CFAP97: variants seen among roughly 807,000 people sequenced by gnomAD.
The protein encoded by CFAP97 is cilia and flagella associated protein 97.
A neutral mutation model predicts 43.1 loss-of-function variants in CFAP97; 36 were observed. The observed-to-expected ratio is 0.84, with a 90% CI of 0.64 to 1.10. The LOEUF is 1.10. CFAP97 is among the 50% of genes least tolerant of loss of function. CFAP97 has a pLI of 0.00. For missense variants in CFAP97, 657 were observed against 620.3 expected (o/e 1.06, Z -0.63); for synonymous variants, 228 against 225.7 (o/e 1.01, Z -0.09).
chr4:185,178,118 T>C (rs1456496832), intron 2 of CFAP97, among the ~76,000 whole-genome samples: 1 of 151,968 alleles, frequency 6.6e-6, no homozygotes, highest in African/African-American at 2.4e-5. Context: ...ATAAAACATG[T>C]GAAATTATCT....
intron 2 of CFAP97, among the ~76,000 whole-genome samples, chr4:185,186,250 T>C (rs1736002160): frequency 6.6e-6 from 1 of 152,002 alleles, no homozygotes; most frequent in Non-Finnish European, 1.5e-5. Flanking sequence ...CTGACCAACA[T>C]GGTGAAACCC....
At chr4:185,204,233 A>T (rs886931921), upstream of CFAP97, 3 of 152,198 alleles carry the variant, frequency 2.0e-5, no homozygotes, top group African/African-American at 7.2e-5. Flanking sequence ...TAGAGGCGTT[A>T]CTGCTGCTCC....
At chr4:185,183,736 T>C (rs568379301) in intron 2 of CFAP97, among the ~76,000 whole-genome samples, 3 of 152,354 alleles carry the variant, frequency 2.0e-5, no homozygotes, top group African/African-American at 7.2e-5. Flanking sequence ...GGTGGATTGT[T>C]ATATTATGGA....
chr4:185,201,994 G>A (rs572998088), intron 1 of CFAP97, among the ~76,000 whole-genome samples: 8 of 151,932 alleles, frequency 5.3e-5, no homozygotes, highest in African/African-American at 1.7e-4. Context: ...CTGCCTTACA[G>A]CCCCAGCTGC....
In CFAP97 at chr4:185,160,923, A is replaced by T; in HGVS notation, c.*1875T>A. 1 of 147,426 alleles carries T rather than the reference A, an allele frequency of 6.8e-6. No individual in the cohort carries two copies. Among genetic ancestry groups the T allele is most frequent in the Middle Eastern group, 3.6e-3 (1 of 280 alleles). The allele number at this position is 147,426 out of a possible 1,614,324, so 9.1% of individuals were successfully genotyped here. ...TTTTTTATATATATAAAAAGATTAT[A>T]TATATAAAACATATATATATATTTT... On this transcript the variant is annotated 3_prime_UTR_variant, in exon 5 of 5. Transcript: ENST00000458385.
At position 185,190,340 on chromosome 4, in the gene CFAP97, T is replaced by C; in HGVS notation, c.857A>G (p.Asn286Ser). Residue 286 changes from asparagine (N) to serine (S), a missense_variant, in exon 2 of 5, where the codon AAT (asparagine) becomes AGT (serine). Asn to Ser is a conservative substitution (Grantham distance 46). Transcript: ENST00000458385. ...DQKVKIKKQE[N>S]VSQEIYEDVE... Reference sequence around the variant, plus strand: ...ATCTTCATATATTTCTTGGCTCACATTTTCTTGCTTTTTAATTTTCACTTT... The same window carrying C: ...ATCTTCATATATTTCTTGGCTCACACTTTCTTGCTTTTTAATTTTCACTTT... The C allele has an allele frequency of 1.9e-6, 3 of 1,603,340 alleles. No homozygotes were observed. Among genetic ancestry groups the C allele is most frequent in the Non-Finnish European group, 1.7e-6 (2 of 1,173,806 alleles).
intron 1 of CFAP97, among the ~76,000 whole-genome samples, chr4:185,198,789 C>CAA (rs58603330): frequency 1.6e-5 from 2 of 124,318 alleles, no homozygotes; most frequent in Non-Finnish European, 3.4e-5. Context: ...AACTCCATCT[C>CAA]AAAAAAAAGA....
intron 1 of CFAP97, among the ~76,000 whole-genome samples, chr4:185,196,212 G>A (rs1204195457): frequency 1.3e-5 from 2 of 152,136 alleles, no homozygotes; most frequent in Non-Finnish European, 2.9e-5. Context: ...AGTGGCTCAC[G>A]CCTGTAATCC....
chr4:185,194,996 A>C (rs1736474362), intron 1 of CFAP97, among the ~76,000 whole-genome samples: 1 of 152,176 alleles, frequency 6.6e-6, no homozygotes, highest in Non-Finnish European at 1.5e-5. Context: ...GCTACTTCCC[A>C]GTTGTGCGAT....
intron 1 of CFAP97, among the ~76,000 whole-genome samples, chr4:185,198,581 G>C (rs1054594314): frequency 6.6e-6 from 1 of 152,004 alleles, no homozygotes; most frequent in African/African-American, 2.4e-5. Flanking sequence ...CCTCAGGTCA[G>C]GAGTTCAAGA....
chr4:185,169,991 T>C, intron 3 of CFAP97: 1 of 1,087,402 alleles, frequency 9.2e-7, no homozygotes, highest in Non-Finnish European at 1.1e-6. Flanking sequence ...AGACTTGCTA[T>C]AAATCATTTT....
At chr4:185,194,543 A>G (rs1359468657) in intron 1 of CFAP97, among the ~76,000 whole-genome samples, 1 of 152,150 alleles carries the variant, frequency 6.6e-6, no homozygotes, top group Non-Finnish European at 1.5e-5. Flanking sequence ...TAAATTTTTT[A>G]AAGAAACAGG....
rs376942788 is a variant in CFAP97, at chr4:185,192,051, C to G, written c.-16-839G>C. Reference sequence around the variant, plus strand: ...GTGGAAGTCATGCAGTGAGGATTGACTGACATTTCAGGACTTGCTGTCTTT... The same window carrying G: ...GTGGAAGTCATGCAGTGAGGATTGAGTGACATTTCAGGACTTGCTGTCTTT... On this transcript the variant is annotated intron_variant, in intron 1 of 4. Coordinates refer to ENST00000458385, the MANE Select transcript of CFAP97 (RefSeq NM_020827.3). Among the ~76,000 whole-genome samples, 39 of 152,312 alleles carry G rather than the reference C, an allele frequency of 2.6e-4. No individual in the cohort carries two copies. In the East Asian group the frequency reaches 5.6e-3, roughly 22 times the overall value.
chr4:185,200,208 T>C (rs1207272163), intron 1 of CFAP97, among the ~76,000 whole-genome samples: 1 of 152,174 alleles, frequency 6.6e-6, no homozygotes. Context: ...GCAGCTGTGG[T>C]AGAAATGGCA....
intron 3 of CFAP97, among the ~76,000 whole-genome samples, chr4:185,175,549 T>C (rs564256600): frequency 3.9e-5 from 6 of 152,206 alleles, no homozygotes; most frequent in Non-Finnish European, 8.8e-5. Flanking sequence ...GTGCTAGAAT[T>C]ATATGCGTGA....
chr4:185,163,984 G>T, intron 4 of CFAP97, 45 bp downstream of exon 4: 1 of 1,540,800 alleles, frequency 6.5e-7, no homozygotes, highest in Non-Finnish European at 8.9e-7. Context: ...TTAAAAAAAG[G>T]ATACAAGATA....
intron 4 of CFAP97, among the ~76,000 whole-genome samples, chr4:185,163,192 G>A (rs964413944): frequency 6.6e-6 from 1 of 152,114 alleles, no homozygotes; most frequent in African/African-American, 2.4e-5. Flanking sequence ...AAATGACTTT[G>A]TATAACCATT....
rs377386215 is a variant in CFAP97 at position 185,164,018 on chromosome 4, A to C, written c.1471+11T>G. 1.9e-6 allele frequency: 3 copies of C among 1,607,012 alleles called. No individual in the cohort carries two copies. Among genetic ancestry groups the C allele is most frequent in the Non-Finnish European group, 2.5e-6 (3 of 1,177,098 alleles). On this transcript the variant is annotated intron_variant, in intron 4 of 4. Coordinates refer to ENST00000458385, the MANE Select transcript of CFAP97 (RefSeq NM_020827.3). ...TACAAATAAGTATAAAATAATTTCC[A>C]AAATGCTTACTTAATGGGCTATATT...
chr4:185,194,316 CCTT>C (rs1386147674), intron 1 of CFAP97, among the ~76,000 whole-genome samples: 1 of 152,278 alleles, frequency 6.6e-6, no homozygotes, highest in Non-Finnish European at 1.5e-5. Context: ...TGGCGAAACT[CCTT>C]CTCTACTAAA....
Sources: gnomAD v4.1 joint callset for allele counts (sites outside exome capture counted in the v4.1 genomes callset) on GRCh38, gnomAD v4.1.1 for gene constraint, MANE v1.5 for transcripts, NCBI Gene and HGNC (gene_info 2026-07-23, HGNC 2026-07-21) for gene names.